SUPT3H: variants seen among roughly 807,000 people sequenced by gnomAD.
SUPT3H encodes the protein SPT3 homolog, SAGA and STAGA complex component.
In SUPT3H, 44 loss-of-function variants were observed where a neutral mutation model predicts 44.3. That is an observed-to-expected ratio of 0.99 (90% CI 0.78 to 1.28). SUPT3H has a LOEUF of 1.28. Ranked by LOEUF, SUPT3H falls within the 50% of genes most tolerant of loss-of-function variation. SUPT3H has a pLI of 0.00. For missense variants in SUPT3H, 380 were observed against 387.1 expected (o/e 0.98, Z 0.15); for synonymous variants, 124 against 125.6 (o/e 0.99, Z 0.09).
intron 2 of SUPT3H, among the ~76,000 whole-genome samples, chr6:45,278,729 A>C (rs1455917458): frequency 6.6e-6 from 1 of 152,238 alleles, no homozygotes; most frequent in African/African-American, 2.4e-5. Context: ...AATTACACAG[A>C]GAAGAGTACA....
intron 2 of SUPT3H, among the ~76,000 whole-genome samples, chr6:45,242,651 C>T (rs1220197342): frequency 1.3e-5 from 2 of 152,044 alleles, no homozygotes; most frequent in African/African-American, 4.8e-5. Flanking sequence ...ATTTTAAAAA[C>T]TCAACAAGAT....
At chr6:45,352,671 T>G (rs1792302894) in intron 2 of SUPT3H, among the ~76,000 whole-genome samples, 1 of 152,154 alleles carries the variant, frequency 6.6e-6, no homozygotes, top group South Asian at 2.1e-4. Flanking sequence ...TACCTAGTAT[T>G]CTGTTTATAA....
intron 2 of SUPT3H, among the ~76,000 whole-genome samples, chr6:45,281,132 A>G (rs553820816): frequency 1.3e-5 from 2 of 152,350 alleles, no homozygotes; most frequent in African/African-American, 4.8e-5. Context: ...ATGGCCGAAT[A>G]GGAACAGCTC....
chr6:44,822,111 C>T (rs1581825852), downstream of SUPT3H, among the ~76,000 whole-genome samples: 3 of 152,164 alleles, frequency 2.0e-5, no homozygotes, highest in South Asian at 4.1e-4. Context: ...ATTGAATCTA[C>T]AGATAATTTA....
chr6:44,811,395 T>A (rs1462251905), intron 11 of SUPT3H, among the ~76,000 whole-genome samples: 5 of 152,310 alleles, frequency 3.3e-5, no homozygotes, highest in Admixed American at 1.3e-4. Context: ...GTTGACTTTA[T>A]TTGGAGGTTA....
At chr6:44,922,739 C>A (rs1330288053) in intron 10 of SUPT3H, among the ~76,000 whole-genome samples, 1 of 152,090 alleles carries the variant, frequency 6.6e-6, no homozygotes, top group East Asian at 1.9e-4. Flanking sequence ...ACATGAGCAA[C>A]TTAATGTACT....
chr6:45,204,516 G>C (rs995709796), intron 2 of SUPT3H, among the ~76,000 whole-genome samples: 2 of 152,160 alleles, frequency 1.3e-5, no homozygotes, highest in Non-Finnish European at 2.9e-5. Context: ...TGGGTTCAAG[G>C]AGGACAAGAG....
intron 10 of SUPT3H, among the ~76,000 whole-genome samples, chr6:44,907,470 A>G (rs964901831): frequency 6.6e-6 from 1 of 152,296 alleles, no homozygotes; most frequent in Non-Finnish European, 1.5e-5. Flanking sequence ...TGAGGTGGGG[A>G]GTTCAAGACT....
intron 2 of SUPT3H, among the ~76,000 whole-genome samples, chr6:45,190,707 C>T (rs1327838839): frequency 6.6e-6 from 1 of 151,888 alleles, no homozygotes; most frequent in East Asian, 1.9e-4. Flanking sequence ...GGACTGGTAA[C>T]CAAAATATAC....
intron 2 of SUPT3H, among the ~76,000 whole-genome samples, chr6:45,293,836 T>C (rs1780690985): frequency 1.3e-5 from 2 of 151,438 alleles, no homozygotes; most frequent in African/African-American, 4.9e-5. Context: ...GAGACTGAAA[T>C]GGTAATTTAA....
intron 2 of SUPT3H, among the ~76,000 whole-genome samples, chr6:45,224,990 T>C (rs761838180): frequency 1.1e-4 from 16 of 152,012 alleles, no homozygotes; most frequent in African/African-American, 3.6e-4. Context: ...TCTAAAAATA[T>C]ACAATCTGCC....
chr6:45,132,074 G>T (rs1044532731), intron 2 of SUPT3H, among the ~76,000 whole-genome samples: 2 of 152,086 alleles, frequency 1.3e-5, no homozygotes, highest in African/African-American at 4.8e-5. Flanking sequence ...CATTATTTAA[G>T]AATTATTTCT....
At chr6:45,342,816 T>C (rs1790082565) in intron 2 of SUPT3H, among the ~76,000 whole-genome samples, 2 of 152,208 alleles carry the variant, frequency 1.3e-5, no homozygotes, top group Non-Finnish European at 2.9e-5. Context: ...TAATTTTTCA[T>C]GCTCAAGTTG....
At chr6:45,168,003 G>A (rs1353360615) in intron 2 of SUPT3H, among the ~76,000 whole-genome samples, 1 of 151,970 alleles carries the variant, frequency 6.6e-6, no homozygotes, top group Non-Finnish European at 1.5e-5. Flanking sequence ...TAGAGACGGG[G>A]TTTCTCTATG....
chr6:44,851,160 G>A (rs1261931698), intron 10 of SUPT3H, among the ~76,000 whole-genome samples: 1 of 152,064 alleles, frequency 6.6e-6, no homozygotes, highest in African/African-American at 2.4e-5. Context: ...TCATAGGAAT[G>A]GTTTCAATAA....
At chr6:45,106,547 T>A (rs1799312185) in intron 2 of SUPT3H, among the ~76,000 whole-genome samples, 1 of 150,722 alleles carries the variant, frequency 6.6e-6, no homozygotes, top group African/African-American at 2.5e-5. Context: ...ATTTTTTTTA[T>A]TTTTTTTGAG....
At chr6:45,232,491 G>A (rs1768243083) in intron 2 of SUPT3H, among the ~76,000 whole-genome samples, 1 of 152,136 alleles carries the variant, frequency 6.6e-6, no homozygotes, top group South Asian at 2.1e-4. Context: ...AGTGTACATT[G>A]GTATGAGGGT....
intron 2 of SUPT3H, among the ~76,000 whole-genome samples, chr6:45,267,165 T>C (rs994441682): frequency 6.6e-6 from 1 of 152,190 alleles, no homozygotes; most frequent in Non-Finnish European, 1.5e-5. Context: ...CCCAAGTATT[T>C]TGGATATGAG....
intron 2 of SUPT3H, among the ~76,000 whole-genome samples, chr6:45,298,071 T>C (rs925735291): frequency 6.6e-6 from 1 of 152,220 alleles, no homozygotes; most frequent in Admixed American, 6.5e-5. Context: ...TACAGCTTCA[T>C]GCAGTTCTCA....
Sources: gnomAD v4.1 joint callset for allele counts (sites outside exome capture counted in the v4.1 genomes callset) on GRCh38, gnomAD v4.1.1 for gene constraint, MANE v1.5 for transcripts, NCBI Gene and HGNC (gene_info 2026-07-23, HGNC 2026-07-21) for gene names.